PTPN13: variants seen among roughly 807,000 people sequenced by gnomAD.
PTPN13 encodes the protein tyrosine-protein phosphatase non-receptor type 13.
In PTPN13, 191 loss-of-function variants were observed where a neutral mutation model predicts 284.0. The observed-to-expected ratio is 0.67, with a 90% CI of 0.60 to 0.76. The LOEUF (loss-of-function observed/expected upper bound fraction) is 0.76, where lower values mean the gene tolerates loss of function less well. Ranked by LOEUF, PTPN13 falls within the 30% of genes least tolerant of loss-of-function variation. PTPN13 has a pLI of 0.00. For synonymous variants in PTPN13, 986 were observed against 1,022.3 expected, an observed-to-expected ratio of 0.96 and a Z score of 0.68; for missense variants, 2,797 against 2,939.9, an observed-to-expected ratio of 0.95 and a Z score of 1.12.
intron 2 of PTPN13, among the ~76,000 whole-genome samples, chr4:86,671,907 A>C (rs1443178985): frequency 6.6e-6 from 1 of 152,212 alleles, no homozygotes; most frequent in Non-Finnish European, 1.5e-5. Flanking sequence ...TAGATCCATA[A>C]AACTTCAGAA....
At chr4:86,796,754 C>A in intron 40 of PTPN13, 120 bp from the exon 41 acceptor site, 2 of 660,868 alleles carry the variant, frequency 3.0e-6, no homozygotes, top group Non-Finnish European at 5.2e-6. Flanking sequence ...TCATATGTGT[C>A]TTTGTAATAT....
rs866115086 is a variant in PTPN13 at position 86,737,365 on chromosome 4, T to C, written c.2304+1619T>C. 6.6e-5 allele frequency among the ~76,000 whole-genome samples: 10 copies of C among 152,272 alleles called. No individual in the cohort carries two copies. In the South Asian group the frequency reaches 2.1e-3, roughly 32 times the overall value. On this transcript the variant is annotated intron_variant, in intron 15 of 47. Transcript: ENST00000411767. ...CTTGAGAACAAGGGTTAGCAAACTG[T>C]GGCCTGCCTGTTTTGTAAATAGTTT...
At chr4:86,765,625 AG>A in intron 26 of PTPN13, 137 bp downstream of exon 26, 1 of 605,162 alleles carries the variant, frequency 1.7e-6, no homozygotes, top group Non-Finnish European at 2.7e-6. Context: ...TGTAGCATTA[AG>A]AAACTCTTTG....
At chr4:86,745,775 C>CA (rs898353534) in intron 17 of PTPN13, among the ~76,000 whole-genome samples, 128 of 139,220 alleles carry the variant, frequency 9.2e-4, no homozygotes, top group South Asian at 1.8e-3. Context: ...GACTCTGTCT[C>CA]AAAAAAAAAA....
intron 1 of PTPN13, among the ~76,000 whole-genome samples, chr4:86,621,665 T>A (rs1008761298): frequency 6.6e-6 from 1 of 152,320 alleles, no homozygotes; most frequent in Admixed American, 6.5e-5. Flanking sequence ...AGACCTTTGC[T>A]GGGGATGTTT....
At chr4:86,665,218 A>G (rs1440509537) in intron 2 of PTPN13, among the ~76,000 whole-genome samples, 1 of 152,180 alleles carries the variant, frequency 6.6e-6, no homozygotes, top group Non-Finnish European at 1.5e-5. Context: ...GTGTTTAGTC[A>G]TTTTAAAAAG....
intron 2 of PTPN13, among the ~76,000 whole-genome samples, chr4:86,647,083 C>G (rs955698668): frequency 1.3e-5 from 2 of 152,028 alleles, no homozygotes; most frequent in Non-Finnish European, 2.9e-5. Flanking sequence ...GGGGATGAAG[C>G]AGGGAATTAT....
chr4:86,652,742 T>G (rs2148813639), intron 2 of PTPN13, among the ~76,000 whole-genome samples: 1 of 152,280 alleles, frequency 6.6e-6, no homozygotes, highest in East Asian at 1.9e-4. Flanking sequence ...GGTAGTTGTA[T>G]TTGGGTTAAA....
At chr4:86,739,424 CAA>C (rs1735905066) in intron 15 of PTPN13, among the ~76,000 whole-genome samples, 2 of 152,082 alleles carry the variant, frequency 1.3e-5, no homozygotes, top group Non-Finnish European at 2.9e-5. Context: ...TGGCAGCAGA[CAA>C]GAGAAGAGAG....
chr4:86,750,443 A>G (rs368705447), intron 17 of PTPN13, 27 bp from the exon 18 acceptor site: 10 of 1,572,940 alleles, frequency 6.4e-6, no homozygotes, highest in Non-Finnish European at 8.6e-6. Flanking sequence ...CGTTACCATC[A>G]TGTAAAGCAA....
chr4:86,757,480 C>T (rs1738111816), intron 20 of PTPN13, among the ~76,000 whole-genome samples: 1 of 151,958 alleles, frequency 6.6e-6, no homozygotes, highest in Admixed American at 6.6e-5. Context: ...TTAATAGATC[C>T]AGTTTCTGAC....
chr4:86,763,100 T>A lies in PTPN13; in HGVS notation c.3927T>A (p.Ile1309=). ...SNQSKTKKPG[I]SDVTDYSDRG... ...AAAGCAAAACTAAAAAGCCAGGCAT[T>A]TCTGATGTAACTGATTACTCAGACC... The change falls in exon 24 of 48, where the codon ATT becomes ATA. Residue 1309 remains isoleucine, a synonymous_variant. Transcript: ENST00000411767. 1.2e-6 allele frequency: 2 copies of A among 1,612,808 alleles called. No homozygotes were observed. Among genetic ancestry groups the A allele is most frequent in the Non-Finnish European group, 1.7e-6 (2 of 1,179,774 alleles).
chr4:86,734,989 G>T, intron 14 of PTPN13, 114 bp downstream of exon 14: 7 of 1,220,162 alleles, frequency 5.7e-6, no homozygotes, highest in Non-Finnish European at 7.8e-6. Context: ...GATTTTTGAG[G>T]CTTCTTTGGT....
intron 2 of PTPN13, among the ~76,000 whole-genome samples, chr4:86,650,743 G>A (rs2148804610): frequency 6.6e-6 from 1 of 152,250 alleles, no homozygotes; most frequent in East Asian, 1.9e-4. Flanking sequence ...GTATAGAAAT[G>A]CTACTGATTT....
Position 86,774,359 on chromosome 4 carries a change from CT to C in PTPN13, c.5350-8del. 1 of 1,596,342 alleles carries C rather than the reference CT, an allele frequency of 6.3e-7. No individual in the cohort carries two copies. Among genetic ancestry groups the C allele is most frequent in the Non-Finnish European group, 8.5e-7 (1 of 1,170,868 alleles). On this transcript the variant is annotated splice_polypyrimidine_tract_variant and intron_variant, in intron 32 of 47. Coordinates refer to ENST00000411767, the MANE Select transcript of PTPN13 (RefSeq NM_080683.3). The stretch of plus-strand genomic sequence containing the variant: ...AATAGACAACCTAAAAGTATTACTG[CT>C]TTTTTCCCTTAGGAAGTAGAACTCC...
At chr4:86,672,585 G>T in intron 3 of PTPN13, 42 bp downstream of exon 3, 1 of 1,479,414 alleles carries the variant, frequency 6.8e-7, no homozygotes. Context: ...ATTTGGGTGG[G>T]GATAGGTCAA....
intron 35 of PTPN13, 38 bp from the exon 36 acceptor site, chr4:86,780,364 T>TG (rs71305580): frequency 0.11 from 165,633 of 1,557,772 alleles, 9,577 homozygotes; most frequent in Non-Finnish European, 0.12. Flanking sequence ...GGCTACAATG[T>TG]CCAAGACAAT....
intron 44 of PTPN13, among the ~76,000 whole-genome samples, chr4:86,807,179 T>G (rs1472761645): frequency 6.6e-6 from 1 of 152,198 alleles, no homozygotes; most frequent in Non-Finnish European, 1.5e-5. Context: ...GCTATTATTA[T>G]TATCATCATC....
intron 44 of PTPN13, among the ~76,000 whole-genome samples, chr4:86,806,925 T>C (rs943977023): frequency 1.2e-4 from 19 of 152,180 alleles, no homozygotes; most frequent in Non-Finnish European, 2.5e-4. Flanking sequence ...TTTAAAAAAT[T>C]ACATTTTGAC....
Sources: allele counts gnomAD v4.1 joint callset (sites outside exome capture counted in the v4.1 genomes callset), GRCh38; gene constraint gnomAD v4.1.1; transcripts MANE v1.5; gene names NCBI Gene and HGNC (gene_info 2026-07-23, HGNC 2026-07-21).